Variants in PCDH15 observed in about 807,000 individuals in gnomAD.
PCDH15 encodes the protein protocadherin-15.
Under a neutral mutation model 178.5 loss-of-function variants are expected in PCDH15, and 129 were observed. That is an observed-to-expected ratio of 0.72 (90% CI 0.63 to 0.84). PCDH15 has a LOEUF of 0.84. PCDH15 is among the 40% of genes least tolerant of loss of function. The pLI is 0.00. For synonymous variants in PCDH15, 800 were observed against 732.0 expected (o/e 1.09, Z -1.50); for missense variants, 2,230 against 2,099.9 (o/e 1.06, Z -1.21).
At chr10:54,239,414 AAT>A (rs67769627) in intron 8 of PCDH15, among the ~76,000 whole-genome samples, 91 of 137,882 alleles carry the variant, frequency 6.6e-4, no homozygotes, top group Admixed American at 8.5e-4. Context: ...CCTGTGATTA[AAT>A]ATATATATAT....
At chr10:55,288,046 A>G (rs1842915321) in intron 1 of PCDH15, among the ~76,000 whole-genome samples, 1 of 150,564 alleles carries the variant, frequency 6.6e-6, no homozygotes, top group Non-Finnish European at 1.5e-5. Flanking sequence ...TGAGTACTGA[A>G]TACTGACACG....
intron 2 of PCDH15, among the ~76,000 whole-genome samples, chr10:55,073,619 T>C (rs1274718181): frequency 6.6e-6 from 1 of 152,154 alleles, no homozygotes; most frequent in Admixed American, 6.6e-5. Context: ...TTTCTCGTTG[T>C]GCCTTTGTCT....
intron 2 of PCDH15, among the ~76,000 whole-genome samples, chr10:55,617,348 A>G (rs1477462144): frequency 6.6e-6 from 1 of 152,108 alleles, no homozygotes; most frequent in Admixed American, 6.5e-5. Flanking sequence ...TCTTATAAAA[A>G]GATATACTCT....
chr10:54,546,460 T>C (rs936218019), intron 2 of PCDH15, among the ~76,000 whole-genome samples: 2 of 152,110 alleles, frequency 1.3e-5, no homozygotes, highest in African/African-American at 2.4e-5. Flanking sequence ...TCTTATTGAA[T>C]TCCTAAATTG....
At chr10:54,525,182 C>A (rs548433607) in intron 3 of PCDH15, among the ~76,000 whole-genome samples, 9 of 152,250 alleles carry the variant, frequency 5.9e-5, no homozygotes, top group African/African-American at 2.2e-4. Context: ...AGATGCTTTG[C>A]TTTAGTAGTG....
In PCDH15 at chr10:54,427,466, CG is replaced by C. The variant is rs557340851; in HGVS notation, c.158-48525del. On this transcript the variant is annotated intron_variant, in intron 3 of 37. Transcript: ENST00000644397. The stretch of plus-strand genomic sequence containing the variant: ...GCTAACTTTGTATTTTTAGTAGAGA[CG>C]GGGTTTCTCCTTGTTGGTCACGCTT... Among the ~76,000 whole-genome samples the C allele has an allele frequency of 1.6e-3, 244 of 151,272 alleles. 1 individual carries two copies. The highest frequency in any genetic ancestry group is 5.3e-3 in the African/African-American group (220 of 41,226).
rs1269426425 is a variant in PCDH15, at chr10:54,621,203, A to C, written c.91+42969T>G. Reference sequence around the variant, plus strand: ...AAGCAATATTCATCAAAAATGGATTAATGCTAGGATTATTTTATTTCAAGT... The same window carrying C: ...AAGCAATATTCATCAAAAATGGATTCATGCTAGGATTATTTTATTTCAAGT... On this transcript the variant is annotated intron_variant, in intron 2 of 37. Transcript: ENST00000644397. Among the ~76,000 whole-genome samples, 3 of 152,006 alleles carry C rather than the reference A, an allele frequency of 2.0e-5. No individual in the cohort carries two copies. In the East Asian group the frequency reaches 5.8e-4, roughly 29 times the overall value.
At chr10:55,289,980 T>C (rs1157328733) in intron 1 of PCDH15, among the ~76,000 whole-genome samples, 1 of 151,848 alleles carries the variant, frequency 6.6e-6, no homozygotes, top group Non-Finnish European at 1.5e-5. Flanking sequence ...TGCTCTTCTG[T>C]CATAAGAAAA....
chr10:53,927,044 C>T lies in PCDH15; in HGVS notation c.3373+11771G>A, dbSNP rs143812507. Among the ~76,000 whole-genome samples the T allele has an allele frequency of 3.3e-3, 497 of 152,104 alleles. 1 individual carries two copies. The highest frequency in any genetic ancestry group is 5.7e-3 in the Non-Finnish European group (390 of 67,994). ...GGGCCATGTGACAAAAAAACAGAATCATATTAGATGTGCCTCAAAAATAAA... is the reference window on the plus strand; with the variant it reads ...GGGCCATGTGACAAAAAAACAGAATTATATTAGATGTGCCTCAAAAATAAA... On this transcript the variant is annotated intron_variant, in intron 25 of 37. Transcript: ENST00000644397.
At chr10:55,418,739 G>T (rs756970286) in intron 2 of PCDH15, among the ~76,000 whole-genome samples, 1 of 151,696 alleles carries the variant, frequency 6.6e-6, no homozygotes, top group Non-Finnish European at 1.5e-5. Flanking sequence ...GAAGAAAAAA[G>T]AAATGAAAGT....
intron 2 of PCDH15, among the ~76,000 whole-genome samples, chr10:55,562,803 T>C (rs1415514777): frequency 1.3e-5 from 2 of 151,974 alleles, no homozygotes; most frequent in East Asian, 1.9e-4. Context: ...ACGGAAACAT[T>C]GTGAAAGAGT....
At chr10:54,287,116 T>C (rs935321396) in intron 8 of PCDH15, among the ~76,000 whole-genome samples, 3 of 152,222 alleles carry the variant, frequency 2.0e-5, no homozygotes, top group Non-Finnish European at 2.9e-5. Flanking sequence ...TTCTATTCCT[T>C]TTTTAATTTT....
intron 2 of PCDH15, among the ~76,000 whole-genome samples, chr10:55,356,086 A>C (rs775722179): frequency 2.0e-5 from 3 of 151,926 alleles, no homozygotes; most frequent in Non-Finnish European, 4.4e-5. Context: ...ACATTCTACT[A>C]ATTCCGACAC....
At chr10:53,956,745 G>T (rs1900459) in intron 23 of PCDH15, among the ~76,000 whole-genome samples, 101,774 of 151,866 alleles carry the variant, frequency 0.67, 34,615 homozygotes, top group East Asian at 0.87. Flanking sequence ...GGGCAATTTT[G>T]TAATTGTTAG....
chr10:54,221,211 T>C (rs969814656), intron 9 of PCDH15, among the ~76,000 whole-genome samples: 8 of 152,148 alleles, frequency 5.3e-5, no homozygotes, highest in Admixed American at 2.0e-4. Flanking sequence ...CCAACATAAT[T>C]AGTGGTTGCC....
chr10:55,320,153 A>C (rs1434706247), upstream of PCDH15, among the ~76,000 whole-genome samples: 2 of 152,100 alleles, frequency 1.3e-5, no homozygotes, highest in Non-Finnish European at 2.9e-5. Context: ...TTGTCAATGC[A>C]TGTGTGCATA....
chr10:54,491,898 C>T (rs570968323), intron 3 of PCDH15, among the ~76,000 whole-genome samples: 5 of 152,220 alleles, frequency 3.3e-5, no homozygotes, highest in South Asian at 2.1e-4. Context: ...AAATGCCTTG[C>T]AATCAGTTGA....
chr10:54,473,763 T>G (rs892779863), intron 3 of PCDH15, among the ~76,000 whole-genome samples: 8 of 151,920 alleles, frequency 5.3e-5, no homozygotes, highest in African/African-American at 1.9e-4. Context: ...AAGAAATACA[T>G]GAGTAACCCT....
chr10:55,347,779 C>A (rs1324002229), intron 2 of PCDH15, among the ~76,000 whole-genome samples: 2 of 152,080 alleles, frequency 1.3e-5, no homozygotes, highest in Non-Finnish European at 2.9e-5. Context: ...TAAGTCTGTG[C>A]CCACAGGTCA....
Sources: gnomAD v4.1 joint callset for allele counts (sites outside exome capture counted in the v4.1 genomes callset) on GRCh38, gnomAD v4.1.1 for gene constraint, MANE v1.5 for transcripts, NCBI Gene and HGNC (gene_info 2026-07-23, HGNC 2026-07-21) for gene names.